The following SIRT3 variants were observed in gnomAD, a reference collection of about 807,000 sequenced individuals.
The protein encoded by SIRT3 is NAD-dependent protein deacetylase sirtuin-3, mitochondrial.
SIRT3 carries 26 observed loss-of-function variants against 33.5 expected under a neutral mutation model. That is an observed-to-expected ratio of 0.78 (90% CI 0.57 to 1.08). The LOEUF (loss-of-function observed/expected upper bound fraction) is 1.08. Among genes scored for constraint, SIRT3 ranks in the 50% least tolerant of loss-of-function variants. SIRT3 has a pLI of 0.00. For synonymous variants in SIRT3, 237 were observed against 222.1 expected (o/e 1.07, Z -0.60); for missense variants, 585 against 530.1 (o/e 1.10, Z -1.02).
chr11:232,388 G>A (rs1331822271), intron 3 of SIRT3, among the ~76,000 whole-genome samples: 2 of 151,986 alleles, frequency 1.3e-5, no homozygotes, highest in African/African-American at 4.8e-5. Context: ...CAAAATGCTG[G>A]GATTACAGGT....
intron 6 of SIRT3, 66 bp from the exon 7 acceptor site, chr11:216,784 T>C (rs1422596252): frequency 6.5e-7 from 1 of 1,532,616 alleles, no homozygotes; most frequent in Non-Finnish European, 9.0e-7. Flanking sequence ...AGCAGATCTC[T>C]GTTCAAACAG....
upstream of SIRT3, chr11:236,414 GC>G: frequency 2.4e-6 from 2 of 818,778 alleles, no homozygotes; most frequent in Non-Finnish European, 1.4e-6. Flanking sequence ...CGCCCCCGGC[GC>G]CCCAGCCCCG....
At chr11:232,317 C>T (rs1382992811) in intron 3 of SIRT3, among the ~76,000 whole-genome samples, 1 of 151,866 alleles carries the variant, frequency 6.6e-6, no homozygotes, top group African/African-American at 2.4e-5. Flanking sequence ...CGGGGTTTTG[C>T]CACGTTGGCC....
chr11:218,874 C>G lies in SIRT3; in HGVS notation c.1137G>C (p.Trp379Cys), dbSNP rs181924090. The stretch of plus-strand genomic sequence containing the variant: ...GCACAAGGTCCCGCATCTCTTCTGT[C>G]CAGCCCAGAAGCTCCACTAGGCTTT... ...GVESLVELLG[W>C]TEEMRDLVQR... Residue 379 changes from tryptophan (W) to cysteine (C), a missense_variant, in exon 6 of 7, where the codon TGG becomes TGC. Coordinates refer to ENST00000382743, the MANE Select transcript of SIRT3 (RefSeq NM_012239.6). 1.4e-4 allele frequency: 227 copies of G among 1,614,200 alleles called. 2 individuals carry two copies. The East Asian group carries it at 4.5e-3, about 32-fold the overall frequency.
Position 223,592 on chromosome 11 carries a change from C to T in SIRT3, c.969+486G>A. 2 of 443,674 alleles carry T rather than the reference C, an allele frequency of 4.5e-6. No individual in the cohort carries two copies. The highest frequency in any genetic ancestry group is 6.7e-5 in the Admixed American group (2 of 29,778). The allele number at this position is 443,674 out of a possible 1,614,324, so 27.5% of individuals were successfully genotyped here. A position where few individuals can be genotyped will look rare whatever the true frequency, so the allele number is the denominator to read the frequency against. ...GTATTCCTGATCTGACCTGGGAGGC[C>T]CTGCCCCTCCACCTCGCCCCCACAC... On this transcript the variant is annotated intron_variant, in intron 5 of 6. Coordinates refer to ENST00000382743, the MANE Select transcript of SIRT3 (RefSeq NM_012239.6). The surrounding 1 kb of genome is among the most constrained non-coding windows in gnomAD (Gnocchi z 4.8).
rs1590084010 is a variant in SIRT3 at position 216,427 on chromosome 11, A to G, written c.*271T>C. On this transcript the variant is annotated 3_prime_UTR_variant, in exon 7 of 7. Transcript: ENST00000382743. Reference sequence around the variant, plus strand: ...CAGTCAGAAGAAAGCTTTTTCCATTAGGAGCTTCAGCAGAGTGAAGAGTTC... The same window carrying G: ...CAGTCAGAAGAAAGCTTTTTCCATTGGGAGCTTCAGCAGAGTGAAGAGTTC... 1 of 460,588 alleles carries G rather than the reference A, an allele frequency of 2.2e-6. No individual in the cohort carries two copies. Among genetic ancestry groups the G allele is most frequent in the Non-Finnish European group, 3.9e-6 (1 of 258,186 alleles). The allele number at this position is 460,588 out of a possible 1,614,324, so 28.5% of individuals were successfully genotyped here. A position where few individuals can be genotyped will look rare whatever the true frequency, so the allele number is the denominator to read the frequency against.
chr11:217,757 T>A (rs3858530), intron 6 of SIRT3, among the ~76,000 whole-genome samples: 9,326 of 152,306 alleles, frequency 0.061, 920 homozygotes, highest in African/African-American at 0.21. Context: ...TCCTAAGACA[T>A]CTGCCTTGGA....
chr11:218,992 C>CGG lies in SIRT3; in HGVS notation c.1017_1018dup (p.Arg340ProfsTer35). The CGG allele has an allele frequency of 6.2e-7, 1 of 1,614,122 alleles. No individual in the cohort carries two copies. Among genetic ancestry groups the CGG allele is most frequent in the Non-Finnish European group, 8.5e-7 (1 of 1,180,028 alleles). On this transcript the variant is annotated frameshift_variant, in exon 6 of 7. Transcript: ENST00000382743. LOFTEE classifies it high-confidence loss of function. Reference sequence around the variant, plus strand: ...CACCAAGTCCCGGTTGATGAGCAGTCGGGGAACTGAGCTCCGCACGGCCTC... The same window carrying CGG: ...CACCAAGTCCCGGTTGATGAGCAGTCGGGGGGAACTGAGCTCCGCACGGCCTC...
At position 232,992 on chromosome 11, in the gene SIRT3, G is replaced by C; in HGVS notation, c.697C>G (p.Leu233Val). 1 of 1,614,028 alleles carries C rather than the reference G, an allele frequency of 6.2e-7. No individual in the cohort carries two copies. Among genetic ancestry groups the C allele is most frequent in the Non-Finnish European group, 8.5e-7 (1 of 1,179,922 alleles). Residue 233 changes from leucine to valine, a missense_variant, in exon 3 of 7, where the codon CTT (leucine) becomes GTT (valine). By Grantham distance (32) the Leu-to-Val change is conservative (BLOSUM62 1). Coordinates refer to ENST00000382743, the MANE Select transcript of SIRT3 (RefSeq NM_012239.6). Reference protein sequence around the residue: ...LRLYTQNIDGLERVSGIPASK... With the variant: ...LRLYTQNIDGVERVSGIPASK... Reference sequence around the variant, plus strand: ...CTCACAGAGGGCTCACCTCTCTCAAGCCCATCGATGTTCTGCGTGTAGAGC... The same window carrying C: ...CTCACAGAGGGCTCACCTCTCTCAACCCCATCGATGTTCTGCGTGTAGAGC...
intron 1 of SIRT3, 61 bp from the exon 2 acceptor site, chr11:233,595 A>G: frequency 1.9e-6 from 3 of 1,554,350 alleles, no homozygotes; most frequent in South Asian, 2.3e-5. Flanking sequence ...GGATAGCAAG[A>G]ACGAGCATGG....
At position 223,981 on chromosome 11, in the gene SIRT3, T is replaced by A. The variant is rs1465500256; in HGVS notation, c.969+97A>T. ...TCCCTTCCCCTGCCCTCCAGACTCC[T>A]CCCTGCACAGGCCTGCCGACAGCCC... On this transcript the variant is annotated intron_variant, in intron 5 of 6. Transcript: ENST00000382743. The surrounding 1 kb of genome is among the most constrained non-coding windows in gnomAD (Gnocchi z 4.8). The A allele has an allele frequency of 8.2e-6, 4 of 490,494 alleles. No individual in the cohort carries two copies. The highest frequency in any genetic ancestry group is 6.1e-5 in the African/African-American group (2 of 32,712). 30.4% of individuals were successfully genotyped at this position (490,494 alleles called of 1,614,324 possible). A position where few individuals can be genotyped will look rare whatever the true frequency, so the allele number is the denominator to read the frequency against.
intron 3 of SIRT3, among the ~76,000 whole-genome samples, chr11:232,754 G>C (rs902778289): frequency 4.6e-5 from 7 of 152,178 alleles, no homozygotes; most frequent in African/African-American, 7.2e-5. Flanking sequence ...AGGAGAACAA[G>C]CAGTGGCCTT....
chr11:219,970 T>C (rs1416047168), intron 5 of SIRT3, among the ~76,000 whole-genome samples: 1 of 152,246 alleles, frequency 6.6e-6, no homozygotes, highest in Non-Finnish European at 1.5e-5. Context: ...TTTATATTGC[T>C]AATTGATAAA....
chr11:236,048 C>T lies in SIRT3; in HGVS notation c.281G>A (p.Ser94Asn). ...RAAAPSFFFS[S>N]IKGGRRSISF... ...AAGTGCTTGTCCTTGCCCAAAATAC[C>T]TCGAAAAGAAGAAACTGGGAGCTGC... Residue 94 changes from serine to asparagine, a missense_variant and splice_region_variant, in exon 1 of 7, where the codon AGT becomes AAT. Transcript: ENST00000382743. The T allele has an allele frequency of 1.3e-6, 2 of 1,512,802 alleles. No individual in the cohort carries two copies. The highest frequency in any genetic ancestry group is 1.3e-5 in the South Asian group (1 of 77,856). The allele number at this position is 1,512,802 out of a possible 1,614,324, so 93.7% of individuals were successfully genotyped here. A position where few individuals can be genotyped will look rare whatever the true frequency, so the allele number is the denominator to read the frequency against.
chr11:225,656 A>C (rs559533950), intron 4 of SIRT3: 1 of 152,370 alleles, frequency 6.6e-6, no homozygotes, highest in East Asian at 1.9e-4. Flanking sequence ...ACTGGAAAAA[A>C]GACCAGAAGA....
At chr11:236,861 G>A, upstream of SIRT3, 1 of 606,728 alleles carries the variant, frequency 1.6e-6, no homozygotes, top group Non-Finnish European at 2.9e-6. Flanking sequence ...GCAAACGCCG[G>A]AGAGTTTTGT....
intron 4 of SIRT3, among the ~76,000 whole-genome samples, chr11:224,890 C>CTTTTTTTTTTTTTTTTTTT (rs1564808975): frequency 6.6e-6 from 1 of 151,626 alleles, no homozygotes; most frequent in East Asian, 1.9e-4. Flanking sequence ...ACCTGACTTT[C>CTTTTTTTTTTTTTTTTTTT]TAAGGTAAAC....
At chr11:228,276 T>A (rs1369960267) in intron 4 of SIRT3, among the ~76,000 whole-genome samples, 1 of 152,222 alleles carries the variant, frequency 6.6e-6, no homozygotes, top group African/African-American at 2.4e-5. Context: ...ACTAAACTAT[T>A]TGTTGAATAA....
intron 4 of SIRT3, among the ~76,000 whole-genome samples, chr11:227,000 A>G (rs1590167808): frequency 6.7e-6 from 1 of 150,362 alleles, no homozygotes; most frequent in African/African-American, 2.4e-5. Context: ...CGATCCACCC[A>G]CCCGGCCTCC....
Sources: gnomAD v4.1 joint callset for allele counts (sites outside exome capture counted in the v4.1 genomes callset) on GRCh38, gnomAD v4.1.1 for gene constraint, Gnocchi (gnomAD v3.1) non-coding constraint, MANE v1.5 for transcripts, NCBI Gene and HGNC (gene_info 2026-07-23, HGNC 2026-07-21) for gene names.